SPDL1: variants seen among roughly 807,000 people sequenced by gnomAD.
SPDL1 encodes the protein protein Spindly.
Under a neutral mutation model 79.5 loss-of-function variants are expected in SPDL1, and 85 were observed. That is an observed-to-expected ratio of 1.07 (90% CI 0.90 to 1.28). The LOEUF is 1.28. Among genes scored for constraint, SPDL1 ranks in the 50% most tolerant of loss-of-function variants. The probability of loss-of-function intolerance (pLI) is 0.00; values close to 1 mark genes in which losing one functional copy is unlikely to be tolerated. For missense variants in SPDL1, 703 were observed against 697.8 expected, an observed-to-expected ratio of 1.01 and a Z score of -0.08; for synonymous variants, 269 against 240.3, an observed-to-expected ratio of 1.12 and a Z score of -1.10.
At chr5:169,584,124 C>T (rs1427224019) in intron 1 of SPDL1, 1 of 152,170 alleles carries the variant, frequency 6.6e-6, no homozygotes, top group Non-Finnish European at 1.5e-5. Flanking sequence ...GGTCGGTTGC[C>T]GGGTCCTCAA....
chr5:169,593,360 A>G lies in SPDL1; in HGVS notation c.343A>G (p.Lys115Glu), dbSNP rs778742054. Residue 115 changes from lysine to glutamate, a missense_variant, in exon 4 of 12, where the codon AAA becomes GAA. Physicochemically the swap from Lys to Glu is moderately conservative, Grantham distance 56 (BLOSUM62 1). Transcript: ENST00000265295. ...TTTTTTTTTTTGGCTTTAGATAGAA[A>G]AACTGAAAGTGGAATTAGATGAAGC... Reference protein sequence around the residue: ...EVNELKTKIEKLKVELDEARL... With the variant: ...EVNELKTKIEELKVELDEARL... 1.1e-5 allele frequency: 18 copies of G among 1,583,610 alleles called. No homozygotes were observed. In the Admixed American group the frequency reaches 1.8e-4, roughly 16 times the overall value.
intron 3 of SPDL1, 112 bp downstream of exon 3, chr5:169,591,336 C>T: frequency 9.5e-7 from 1 of 1,052,434 alleles, no homozygotes; most frequent in Non-Finnish European, 1.4e-6. Context: ...TAGCCAAGAT[C>T]TAAGTCTTCA....
intron 9 of SPDL1, 104 bp from the exon 10 acceptor site, chr5:169,598,868 T>C (rs755413621): frequency 2.1e-6 from 3 of 1,396,296 alleles, no homozygotes; most frequent in Non-Finnish European, 2.8e-6. Context: ...CCCAGAAAAA[T>C]GTATTTTTAA....
chr5:169,596,366 A>G (rs1755577430), intron 7 of SPDL1, among the ~76,000 whole-genome samples, 195 bp from the exon 8 acceptor site: 1 of 152,212 alleles, frequency 6.6e-6, no homozygotes, highest in Admixed American at 6.5e-5. Context: ...TTCAGTTATC[A>G]TTCATAAGTA....
Position 169,599,136 on chromosome 5 carries a change from T to G in SPDL1, c.1301T>G (p.Leu434Trp). The G allele has an allele frequency of 6.4e-7, 1 of 1,556,078 alleles. No individual in the cohort carries two copies. Among genetic ancestry groups the G allele is most frequent in the Non-Finnish European group, 8.8e-7 (1 of 1,140,684 alleles). The change falls in exon 10 of 12, where the codon TTG becomes TGG. Residue 434 changes from leucine (L) to tryptophan (W), a missense_variant. Leu to Trp is a moderately conservative substitution (Grantham distance 61, BLOSUM62 -2). Coordinates refer to ENST00000265295, the MANE Select transcript of SPDL1 (RefSeq NM_017785.5). ...AAACTGAGAGCTAAACTAGATGAAT[T>G]GAAACTAAAATATGAACCTGAAGGT... ...NMKLRAKLDE[L>W]KLKYEPEETV...
At position 169,599,160 on chromosome 5, in the gene SPDL1, G is replaced by A; in HGVS notation, c.1324+1G>A. ...TTGAAACTAAAATATGAACCTGAAGGTATATATGTCTCATATATTTTTGTC... is the reference window on the plus strand; with the variant it reads ...TTGAAACTAAAATATGAACCTGAAGATATATATGTCTCATATATTTTTGTC... On this transcript the variant is annotated splice_donor_variant, in intron 10 of 11. Transcript: ENST00000265295. LOFTEE classifies it high-confidence loss of function. The A allele has an allele frequency of 1.4e-6, 2 of 1,448,114 alleles. No homozygotes were observed. Among genetic ancestry groups the A allele is most frequent in the Non-Finnish European group, 1.9e-6 (2 of 1,067,798 alleles). The allele number at this position is 1,448,114 out of a possible 1,614,324, so 89.7% of individuals were successfully genotyped here.
At chr5:169,599,233 G>T (rs1041243319) in intron 10 of SPDL1, 74 bp downstream of exon 10, 4 of 1,107,354 alleles carry the variant, frequency 3.6e-6, no homozygotes, top group Non-Finnish European at 4.9e-6. Context: ...TTTTCTTACT[G>T]TAGTTTTATG....
intron 1 of SPDL1, chr5:169,584,287 AATG>A (rs1313968459): frequency 1.3e-5 from 2 of 150,882 alleles, no homozygotes; most frequent in Non-Finnish European, 3.0e-5. Flanking sequence ...TACATGTTGA[AATG>A]ATGTTTTGAG....
intron 10 of SPDL1, 57 bp downstream of exon 10, chr5:169,599,216 C>A: frequency 1.7e-6 from 2 of 1,150,590 alleles, no homozygotes; most frequent in Non-Finnish European, 1.2e-6. Context: ...GAAATTATAT[C>A]AAATTATTTT....
Position 169,591,055 on chromosome 5 carries a change from A to G in SPDL1, c.167A>G (p.Glu56Gly), listed in dbSNP as rs201118154. The G allele has an allele frequency of 6.2e-7, 1 of 1,611,988 alleles. No homozygotes were observed. Among genetic ancestry groups the G allele is most frequent in the East Asian group, 2.2e-5 (1 of 44,808 alleles). ...NEMMTMTESY[E>G]QEKYTLQREV... ...AATTGAATCTGTTTTCAGAGTTATG[A>G]ACAAGAAAAATATACCCTTCAAAGA... The change falls in exon 3 of 12, where the codon GAA becomes GGA. Residue 56 changes from glutamate (E) to glycine (G), a missense_variant. Transcript: ENST00000265295.
rs199881191 is a variant in SPDL1 at position 169,594,520 on chromosome 5, T to C, written c.780+28T>C. The C allele has an allele frequency of 1.2e-5, 19 of 1,611,500 alleles. No homozygotes were observed. In the Admixed American group the frequency reaches 2.0e-4, roughly 17 times the overall value. On this transcript the variant is annotated intron_variant, in intron 6 of 11. Transcript: ENST00000265295. ...ACTTATAAGTATCCTAACTACTAAA[T>C]TGGTATTTTCATTTACTACCAGAAC...
chr5:169,603,596 C>A lies in SPDL1; in HGVS notation c.1671-464C>A, dbSNP rs572868437. Among the ~76,000 whole-genome samples, 11 of 152,258 alleles carry A rather than the reference C, an allele frequency of 7.2e-5. No homozygotes were observed. In the South Asian group the frequency reaches 2.1e-3, roughly 29 times the overall value. ...ATTGGCCCAGCGTGGTGCCTCACAC[C>A]TGTAATCCCGGCACTTTGGGAGGCT... On this transcript the variant is annotated intron_variant, in intron 11 of 11. Transcript: ENST00000265295.
rs761862228 is a variant in SPDL1, at chr5:169,601,262, A to T, written c.1325-18A>T. The T allele has an allele frequency of 5.1e-6, 8 of 1,572,308 alleles. No individual in the cohort carries two copies. In the East Asian group the frequency reaches 1.8e-4, roughly 35 times the overall value. On this transcript the variant is annotated intron_variant, in intron 10 of 11. Transcript: ENST00000265295. ...TTTTCTTAGATTTTTTCTTTTCCCCACTCGTTTTTATTCTCAGAGACAGTT... is the reference window on the plus strand; with the variant it reads ...TTTTCTTAGATTTTTTCTTTTCCCCTCTCGTTTTTATTCTCAGAGACAGTT...
Position 169,588,432 on chromosome 5 carries a change from A to G in SPDL1, c.16A>G (p.Ile6Val), listed in dbSNP as rs753613864. The G allele has an allele frequency of 2.5e-6, 4 of 1,610,702 alleles. No individual in the cohort carries two copies. The African/African-American group carries it at 4.0e-5, about 16-fold the overall frequency. MEADI[I>V]TNLRCRLKEA... The stretch of plus-strand genomic sequence containing the variant: ...AGAAAAGAACATGGAGGCAGATATA[A>G]TCACAAATCTTCGATGCAGGCTCAA... Residue 6 changes from isoleucine to valine, a missense_variant, in exon 2 of 12, where the codon ATC becomes GTC. Transcript: ENST00000265295.
chr5:169,584,547 T>G (rs1395097457), intron 1 of SPDL1, among the ~76,000 whole-genome samples: 52 of 152,210 alleles, frequency 3.4e-4, no homozygotes. Context: ...AGAAATTAAA[T>G]AACTTGTCCA....
chr5:169,598,340 A>G, intron 8 of SPDL1, 136 bp from the exon 9 acceptor site: 1 of 579,942 alleles, frequency 1.7e-6, no homozygotes, highest in Non-Finnish European at 3.1e-6. Context: ...CAGAAGGCAG[A>G]TAAATTAAAT....
chr5:169,596,452 A>G, intron 7 of SPDL1, 109 bp from the exon 8 acceptor site: 1 of 932,812 alleles, frequency 1.1e-6, no homozygotes, highest in East Asian at 2.8e-5. Flanking sequence ...TTAGTTTCCA[A>G]AATGAGTTCA....
intron 1 of SPDL1, among the ~76,000 whole-genome samples, chr5:169,587,832 T>G (rs1360431392): frequency 6.6e-6 from 1 of 152,202 alleles, no homozygotes; most frequent in Admixed American, 6.5e-5. Context: ...TTTTCCTTCC[T>G]TAGCCTCCCA....
chr5:169,599,929 A>G (rs1335109535), intron 10 of SPDL1, among the ~76,000 whole-genome samples: 3 of 152,206 alleles, frequency 2.0e-5, no homozygotes, highest in African/African-American at 7.2e-5. Flanking sequence ...TGGGGGGGAA[A>G]GGAAAGAACA....
Sources: gnomAD v4.1 joint callset for allele counts (sites outside exome capture counted in the v4.1 genomes callset) on GRCh38, gnomAD v4.1.1 for gene constraint, MANE v1.5 for transcripts, NCBI Gene and HGNC (gene_info 2026-07-23, HGNC 2026-07-21) for gene names.